Variants in USP28 observed in about 807,000 individuals in gnomAD.
The protein encoded by USP28 is ubiquitin specific peptidase 28, also known as ubiquitin carboxyl-terminal hydrolase 28.
In USP28, 113 loss-of-function variants were observed where a neutral mutation model predicts 145.0. The observed-to-expected ratio is 0.78, with a 90% CI of 0.67 to 0.91. The LOEUF (loss-of-function observed/expected upper bound fraction) is 0.91. USP28 is among the 40% of genes least tolerant of loss of function. USP28 has a pLI of 0.00. For missense variants in USP28, 1,201 were observed against 1,289.6 expected, an observed-to-expected ratio of 0.93 and a Z score of 1.05; for synonymous variants, 447 against 450.9, an observed-to-expected ratio of 0.99 and a Z score of 0.11.
intron 16 of USP28, among the ~76,000 whole-genome samples, chr11:113,810,590 C>A (rs1458636368): frequency 6.6e-6 from 1 of 152,236 alleles, no homozygotes; most frequent in Non-Finnish European, 1.5e-5. Context: ...AGATTACTTA[C>A]TGTTCATTTA....
At chr11:113,800,849 T>TTC (rs1479158014) in intron 24 of USP28, among the ~76,000 whole-genome samples, 7 of 151,674 alleles carry the variant, frequency 4.6e-5, no homozygotes, top group Admixed American at 4.6e-4. Context: ...TGATTTTTTT[T>TTC]TTTTTTTTTT....
chr11:113,821,123 G>A (rs1565378194), intron 12 of USP28: 1 of 241,340 alleles, frequency 4.1e-6, no homozygotes, highest in Admixed American at 4.3e-5. Flanking sequence ...TGAAGTCATT[G>A]TGGATGGCAT....
intron 1 of USP28, among the ~76,000 whole-genome samples, chr11:113,858,377 G>A (rs1435235537): frequency 6.6e-6 from 1 of 152,024 alleles, no homozygotes; most frequent in East Asian, 1.9e-4. Context: ...ATAGACTGTT[G>A]CTCCTAAAAT....
intron 1 of USP28, among the ~76,000 whole-genome samples, chr11:113,867,592 G>C (rs372970110): frequency 1.3e-4 from 20 of 151,878 alleles, no homozygotes; most frequent in East Asian, 7.7e-4. Context: ...CCTGGGTGCA[G>C]TGGCACACAC....
At chr11:113,873,328 T>C (rs543934894) in intron 1 of USP28, among the ~76,000 whole-genome samples, 1 of 152,320 alleles carries the variant, frequency 6.6e-6, no homozygotes, top group Admixed American at 6.5e-5. Flanking sequence ...GCTTTCCGTA[T>C]AGGGCAAATC....
intron 7 of USP28, 112 bp from the exon 8 acceptor site, chr11:113,832,105 TTTTTC>T (rs1944063429): frequency 1.1e-5 from 10 of 948,804 alleles, no homozygotes; most frequent in Non-Finnish European, 1.4e-5. Flanking sequence ...AGCATTTCTT[TTTTTC>T]TTTTCTTTTT....
At chr11:113,867,204 C>T (rs1948357928) in intron 1 of USP28, among the ~76,000 whole-genome samples, 1 of 151,974 alleles carries the variant, frequency 6.6e-6, no homozygotes, top group Non-Finnish European at 1.5e-5. Context: ...TGTTTTAGAA[C>T]TAGACGGAAT....
chr11:113,845,168 G>A (rs1381453317), intron 3 of USP28, among the ~76,000 whole-genome samples: 1 of 151,086 alleles, frequency 6.6e-6, no homozygotes, highest in Non-Finnish European at 1.5e-5. Context: ...GCCAGGCATG[G>A]TGGCTCATGC....
At position 113,852,733 on chromosome 11, in the gene USP28, T is replaced by C. The variant is rs1452160679; in HGVS notation, c.136-100A>G. On this transcript the variant is annotated intron_variant, in intron 2 of 24. Transcript: ENST00000003302. ...TTACCCTGGTGACACACTGAGTACT[T>C]TCAGGCATAATTCTAGGGTAGAATT... 3.0e-6 allele frequency: 4 copies of C among 1,325,530 alleles called. No homozygotes were observed. In the African/African-American group the frequency reaches 5.9e-5, roughly 19 times the overall value. 82.1% of individuals were successfully genotyped at this position (1,325,530 alleles called of 1,614,324 possible).
In USP28 at chr11:113,830,947, CT is replaced by C. The variant is rs1943908877; in HGVS notation, c.834-5del. The C allele has an allele frequency of 6.2e-7, 1 of 1,612,084 alleles. No individual in the cohort carries two copies. Among genetic ancestry groups the C allele is most frequent in the African/African-American group, 1.4e-5 (1 of 73,334 alleles). ...TTCAGATTTGTTCCTGGGACTGCTG[CT>C]TTTAGGAAAAGGAGACAATTCTGGA... On this transcript the variant is annotated splice_polypyrimidine_tract_variant and splice_region_variant and intron_variant, in intron 8 of 24. Transcript: ENST00000003302.
In USP28 at chr11:113,813,601, G is replaced by T. The variant is rs555808212; in HGVS notation, c.1743+284C>A. On this transcript the variant is annotated intron_variant, in intron 15 of 24. Coordinates refer to ENST00000003302, the Ensembl canonical transcript of USP28. ...ACTGCACTACTTAAAGTACCATTTT[G>T]TAAGTAATTTTTATTAGTATCTGAC... 1.4e-3 allele frequency among the ~76,000 whole-genome samples: 210 copies of T among 152,332 alleles called. 2 individuals are homozygous for T. Among genetic ancestry groups the T allele is most frequent in the Middle Eastern group, 3.4e-3 (1 of 294 alleles).
chr11:113,872,515 T>C (rs1213972077), intron 1 of USP28, among the ~76,000 whole-genome samples: 5 of 151,938 alleles, frequency 3.3e-5, no homozygotes, highest in African/African-American at 1.2e-4. Context: ...TGTTTGCATT[T>C]GGGGGCAGAG....
chr11:113,844,277 A>T (rs918869824), intron 3 of USP28, among the ~76,000 whole-genome samples: 3 of 151,870 alleles, frequency 2.0e-5, no homozygotes, highest in Non-Finnish European at 4.4e-5. Context: ...CATCTCTAAT[A>T]AAAATACAAA....
chr11:113,818,263 TG>T (rs1176804111), intron 12 of USP28: 2 of 153,544 alleles, frequency 1.3e-5, no homozygotes, highest in Admixed American at 6.5e-5. Context: ...GCCATTCTCC[TG>T]CCTCAGCCTC....
At chr11:113,805,084 C>T (rs973418834) in intron 19 of USP28, 38 bp from the exon 21 acceptor site, 3 of 1,595,668 alleles carry the variant, frequency 1.9e-6, no homozygotes, top group Non-Finnish European at 2.6e-6. Flanking sequence ...AAATAGTGTG[C>T]TGTGGGCTTC....
At chr11:113,852,013 A>G (rs966061332) in intron 3 of USP28, among the ~76,000 whole-genome samples, 5 of 152,172 alleles carry the variant, frequency 3.3e-5, no homozygotes, top group Non-Finnish European at 7.3e-5. Context: ...AACAATGAGT[A>G]AATGAACAAA....
intron 5 of USP28, among the ~76,000 whole-genome samples, chr11:113,839,818 T>C (rs768485143): frequency 1.3e-5 from 2 of 151,768 alleles, no homozygotes; most frequent in African/African-American, 4.8e-5. Context: ...TGGTCAGGAG[T>C]TGGAGACCAG....
chr11:113,865,014 A>G (rs1175948916), intron 1 of USP28, among the ~76,000 whole-genome samples: 2 of 151,886 alleles, frequency 1.3e-5, no homozygotes, highest in Non-Finnish European at 2.9e-5. Flanking sequence ...GATTTTTCAT[A>G]TTTTCGGTAA....
intron 5 of USP28, among the ~76,000 whole-genome samples, chr11:113,837,910 C>A (rs1944747426): frequency 6.6e-6 from 1 of 152,126 alleles, no homozygotes; most frequent in South Asian, 2.1e-4. Flanking sequence ...CCATCTCCAA[C>A]AACTATTTCA....
Sources: allele counts gnomAD v4.1 joint callset (sites outside exome capture counted in the v4.1 genomes callset), GRCh38; gene constraint gnomAD v4.1.1; transcripts MANE v1.5; gene names NCBI Gene and HGNC (gene_info 2026-07-23, HGNC 2026-07-21).